C13orf46: variants seen among roughly 807,000 people sequenced by gnomAD.
C13orf46 encodes the protein uncharacterized protein C13orf46.
the C13orf46 span, among the ~76,000 whole-genome samples, chr13:113,935,021 C>G: frequency 1.3e-5 from 2 of 152,356 alleles, no homozygotes; most frequent in South Asian, 4.1e-4. Context: ...CCCTTCCATT[C>G]CCACTGGCTC....
chr13:113,926,789 G>A, the C13orf46 span: 2 of 152,182 alleles, frequency 1.3e-5, no homozygotes, highest in African/African-American at 4.8e-5. Flanking sequence ...AGAGGGTTAT[G>A]CCCATGAGCG....
intron 1 of C13orf46, among the ~76,000 whole-genome samples, chr13:113,972,024 C>G (rs2052711440): frequency 6.6e-6 from 1 of 152,134 alleles, no homozygotes; most frequent in Non-Finnish European, 1.5e-5. Flanking sequence ...AGCGGCCACA[C>G]AGAAGCCCGG....
At chr13:113,969,291 G>A (rs1039503429) in intron 2 of C13orf46, among the ~76,000 whole-genome samples, 3 of 152,268 alleles carry the variant, frequency 2.0e-5, no homozygotes, top group East Asian at 3.9e-4. Flanking sequence ...CTGCAATGGC[G>A]TTGACTTGGC....
intron 2 of C13orf46, among the ~76,000 whole-genome samples, chr13:113,969,112 C>A (rs1280351849): frequency 6.6e-6 from 1 of 152,280 alleles, no homozygotes; most frequent in Non-Finnish European, 1.5e-5. Context: ...GATCCACACT[C>A]CATGTGGATA....
chr13:113,956,469 C>T lies in C13orf46; in HGVS notation c.*304G>A. On this transcript the variant is annotated 3_prime_UTR_variant, in exon 7 of 7. Transcript: ENST00000636427. The stretch of plus-strand genomic sequence containing the variant: ...TTATTGTGTTTGTTGAAGGTCACGT[C>T]ATCACTCACCCAGTGGGCAGTGGGT... The T allele has an allele frequency of 6.4e-6, 1 of 155,564 alleles. No homozygotes were observed. Among genetic ancestry groups the T allele is most frequent in the Non-Finnish European group, 1.4e-5 (1 of 70,280 alleles). 9.6% of individuals were successfully genotyped at this position (155,564 alleles called of 1,614,324 possible).
At chr13:113,970,853 G>C (rs925276815) in intron 1 of C13orf46, among the ~76,000 whole-genome samples, 1 of 152,186 alleles carries the variant, frequency 6.6e-6, no homozygotes, top group East Asian at 1.9e-4. Context: ...TCGGGTGAGC[G>C]GTGCTCTGGT....
chr13:113,929,751 C>T, the C13orf46 span, among the ~76,000 whole-genome samples: 1 of 152,224 alleles, frequency 6.6e-6, no homozygotes, highest in African/African-American at 2.4e-5. Context: ...CCTGGGCAAC[C>T]CGCTGCCAGT....
the C13orf46 span, among the ~76,000 whole-genome samples, chr13:113,943,857 G>A: frequency 3.4e-4 from 52 of 152,274 alleles, no homozygotes; most frequent in Middle Eastern, 3.4e-3. Context: ...GGTGGAGGAG[G>A]CTCTCAGCAA....
chr13:113,928,461 A>C, the C13orf46 span: 1 of 152,346 alleles, frequency 6.6e-6, no homozygotes, highest in Non-Finnish European at 1.5e-5. Context: ...AGGTGAAGAA[A>C]CGCCAGGCCC....
At chr13:113,942,038 T>C in the C13orf46 span, among the ~76,000 whole-genome samples, 1 of 152,138 alleles carries the variant, frequency 6.6e-6, no homozygotes, top group Non-Finnish European at 1.5e-5. Flanking sequence ...AATTAAAAAG[T>C]AAGAGCTTGT....
the C13orf46 span, among the ~76,000 whole-genome samples, chr13:113,945,616 G>GA: frequency 9.3e-6 from 1 of 107,686 alleles, no homozygotes; most frequent in Non-Finnish European, 2.0e-5. Flanking sequence ...AAGAAAGAAA[G>GA]AAAGAAAGAA....
At chr13:113,960,861 A>G (rs1157115767) in intron 6 of C13orf46, among the ~76,000 whole-genome samples, 4 of 152,220 alleles carry the variant, frequency 2.6e-5, no homozygotes, top group Non-Finnish European at 4.4e-5. Flanking sequence ...AGGCAATCAC[A>G]CTGCAGGTTT....
the C13orf46 span, among the ~76,000 whole-genome samples, chr13:113,929,138 C>T: frequency 6.6e-6 from 1 of 152,264 alleles, no homozygotes; most frequent in Non-Finnish European, 1.5e-5. Flanking sequence ...TGTACAGACA[C>T]TGTGCGGCAG....
At chr13:113,931,385 T>C in the C13orf46 span, among the ~76,000 whole-genome samples, 1 of 152,172 alleles carries the variant, frequency 6.6e-6, no homozygotes, top group African/African-American at 2.4e-5. Context: ...CTTCTTCCAT[T>C]TGTAGACTTT....
the C13orf46 span, among the ~76,000 whole-genome samples, chr13:113,937,650 C>A: frequency 1.3e-5 from 2 of 152,284 alleles, no homozygotes; most frequent in East Asian, 3.9e-4. Flanking sequence ...TTTGGTTTTA[C>A]ATATTTTAGG....
At chr13:113,962,190 T>G (rs2052592587) in intron 6 of C13orf46, among the ~76,000 whole-genome samples, 1 of 152,028 alleles carries the variant, frequency 6.6e-6, no homozygotes, top group African/African-American at 2.4e-5. Context: ...GATCCTGAGG[T>G]CAGGAGATCG....
downstream of C13orf46, among the ~76,000 whole-genome samples, chr13:113,952,890 G>A (rs1385515356): frequency 5.3e-5 from 8 of 152,220 alleles, no homozygotes; most frequent in African/African-American, 1.2e-4. Context: ...CGGGGCGGCG[G>A]GGCAGAGGCA....
chr13:113,954,854 G>C lies in C13orf46; in HGVS notation c.*1919C>G, dbSNP rs1330080460. ...GATGAGGAGCATCCGGTGGAGATGA[G>C]GAGCATCTCGTGGGGAGGAGGAGCA... On this transcript the variant is annotated 3_prime_UTR_variant, in exon 7 of 7. Transcript: ENST00000636427. 7 of 187,792 alleles carry C rather than the reference G, an allele frequency of 3.7e-5. No homozygotes were observed. Among genetic ancestry groups the C allele is most frequent in the African/African-American group, 1.7e-4 (7 of 41,104 alleles). 11.6% of individuals were successfully genotyped at this position (187,792 alleles called of 1,614,324 possible). A position where few individuals can be genotyped will look rare whatever the true frequency, so the allele number is the denominator to read the frequency against.
the C13orf46 span, among the ~76,000 whole-genome samples, chr13:113,942,498 C>A: frequency 6.6e-6 from 1 of 152,320 alleles, no homozygotes; most frequent in East Asian, 1.9e-4. Flanking sequence ...CAGACACCAC[C>A]TGGACCTGTA....
Sources: allele counts gnomAD v4.1 joint callset (sites outside exome capture counted in the v4.1 genomes callset), GRCh38; gene constraint gnomAD v4.1.1; transcripts MANE v1.5; gene names NCBI Gene and HGNC (gene_info 2026-07-23, HGNC 2026-07-21).